PEBP4: variants seen among roughly 807,000 people sequenced by gnomAD.
PEBP4 encodes the protein phosphatidylethanolamine-binding protein 4.
Under a neutral mutation model 23.9 loss-of-function variants are expected in PEBP4, and 22 were observed. The ratio of observed to expected loss-of-function variants is 0.92; its 90% CI spans 0.66 to 1.31. PEBP4 has a LOEUF of 1.31. Ranked by LOEUF, PEBP4 falls within the 40% of genes most tolerant of loss-of-function variation. The pLI is 0.00. For synonymous variants in PEBP4, 112 were observed against 99.3 expected (o/e 1.13, Z -0.76); for missense variants, 324 against 281.7 (o/e 1.15, Z -1.07).
intron 4 of PEBP4, among the ~76,000 whole-genome samples, chr8:22,810,472 G>A (rs1806594937): frequency 6.6e-6 from 1 of 152,080 alleles, no homozygotes; most frequent in Admixed American, 6.6e-5. Context: ...CTCAGGGGTG[G>A]GTGTCTGAGG....
At chr8:22,940,761 T>A (rs1809602122) in intron 1 of PEBP4, among the ~76,000 whole-genome samples, 1 of 152,184 alleles carries the variant, frequency 6.6e-6, no homozygotes, top group Non-Finnish European at 1.5e-5. Flanking sequence ...AGTGCTGGGA[T>A]TATAGGCGTG....
chr8:22,863,010 C>T (rs961087722), intron 3 of PEBP4, among the ~76,000 whole-genome samples: 33 of 152,024 alleles, frequency 2.2e-4, no homozygotes, highest in African/African-American at 8.0e-4. Context: ...CCATGTTAGC[C>T]AGGATGGTCT....
chr8:22,717,208 A>G (rs1804434163), intron 6 of PEBP4, among the ~76,000 whole-genome samples: 1 of 152,180 alleles, frequency 6.6e-6, no homozygotes, highest in South Asian at 2.1e-4. Context: ...GTAATTAAAA[A>G]AAAATTATCT....
intron 4 of PEBP4, among the ~76,000 whole-genome samples, chr8:22,736,539 A>G (rs561801046): frequency 6.6e-6 from 1 of 152,290 alleles, no homozygotes; most frequent in Admixed American, 6.5e-5. Context: ...TGGGAATTCG[A>G]GGCTGTAGTG....
At chr8:22,910,810 C>T (rs1484359812) in intron 3 of PEBP4, among the ~76,000 whole-genome samples, 1 of 152,148 alleles carries the variant, frequency 6.6e-6, no homozygotes, top group Non-Finnish European at 1.5e-5. Context: ...TAGAGGGAGG[C>T]ATGAATAGGT....
intron 3 of PEBP4, among the ~76,000 whole-genome samples, chr8:22,909,099 C>T (rs2128778408): frequency 6.6e-6 from 1 of 152,274 alleles, no homozygotes; most frequent in Non-Finnish European, 1.5e-5. Context: ...TGCCTTCCTG[C>T]ATTGGTGGCC....
chr8:22,874,194 G>A (rs1808071082), intron 3 of PEBP4, among the ~76,000 whole-genome samples: 1 of 152,094 alleles, frequency 6.6e-6, no homozygotes, highest in African/African-American at 2.4e-5. Flanking sequence ...AGAAAATAAG[G>A]TTAGAATAGT....
At chr8:22,937,843 AG>A (rs1340991723) in intron 1 of PEBP4, among the ~76,000 whole-genome samples, 1 of 151,938 alleles carries the variant, frequency 6.6e-6, no homozygotes, top group African/African-American at 2.4e-5. Context: ...ATTTTCAGCA[AG>A]GGTGCTGAAA....
intron 4 of PEBP4, among the ~76,000 whole-genome samples, chr8:22,730,554 A>G (rs1185763502): frequency 6.6e-6 from 1 of 152,226 alleles, no homozygotes; most frequent in Non-Finnish European, 1.5e-5. Flanking sequence ...TATATGGATT[A>G]GAATGTCACT....
intron 4 of PEBP4, among the ~76,000 whole-genome samples, chr8:22,789,612 CT>C (rs1164766348): frequency 6.6e-6 from 1 of 152,210 alleles, no homozygotes; most frequent in Non-Finnish European, 1.5e-5. Context: ...CCTGGGCCCA[CT>C]GCAGAGCTCT....
intron 3 of PEBP4, among the ~76,000 whole-genome samples, chr8:22,862,887 G>C (rs551750776): frequency 3.1e-4 from 46 of 146,836 alleles, no homozygotes; most frequent in Admixed American, 1.2e-3. Flanking sequence ...TGCAAGCTCC[G>C]CCTCCCAGGT....
chr8:22,754,003 G>C (rs1219165290), intron 4 of PEBP4, among the ~76,000 whole-genome samples: 2 of 152,198 alleles, frequency 1.3e-5, no homozygotes, highest in African/African-American at 2.4e-5. Context: ...AGATGGGAAA[G>C]TCTGACTATA....
intron 3 of PEBP4, among the ~76,000 whole-genome samples, chr8:22,869,666 T>TATGTCTGGGACTTG (rs1563243544): frequency 2.0e-5 from 3 of 151,948 alleles, no homozygotes; most frequent in African/African-American, 7.3e-5. Context: ...TACTTGATAA[T>TATGTCTGGGACTTG]GGACTGGGAT....
At chr8:22,845,997 CAG>C (rs564992135) in intron 3 of PEBP4, among the ~76,000 whole-genome samples, 86 of 152,346 alleles carry the variant, frequency 5.6e-4, no homozygotes, top group African/African-American at 2.0e-3. Flanking sequence ...GCTTGGATGG[CAG>C]AGACTGGGAC....
At chr8:22,796,302 G>A (rs368768338) in intron 4 of PEBP4, among the ~76,000 whole-genome samples, 7 of 151,854 alleles carry the variant, frequency 4.6e-5, no homozygotes, top group East Asian at 3.9e-4. Flanking sequence ...GCCTGTGTAC[G>A]TGTAATTCAT....
chr8:22,841,260 G>GAAAGCA (rs1186059138), intron 3 of PEBP4, among the ~76,000 whole-genome samples: 1 of 152,230 alleles, frequency 6.6e-6, no homozygotes, highest in African/African-American at 2.4e-5. Flanking sequence ...TCTCTTCTGT[G>GAAAGCA]GCCCTTTGAG....
At chr8:22,859,887 G>A (rs574560713) in intron 3 of PEBP4, among the ~76,000 whole-genome samples, 1 of 151,932 alleles carries the variant, frequency 6.6e-6, no homozygotes, top group Non-Finnish European at 1.5e-5. Context: ...GGGAGGCTGA[G>A]GCAGGAGGAT....
intron 6 of PEBP4, among the ~76,000 whole-genome samples, chr8:22,723,191 C>T (rs183893031): frequency 3.3e-5 from 5 of 152,194 alleles, no homozygotes; most frequent in East Asian, 1.9e-4. Flanking sequence ...CCAAACAACG[C>T]GTTTCAGGCC....
chr8:22,903,209 A>C (rs1350290948), intron 3 of PEBP4, among the ~76,000 whole-genome samples: 1 of 152,194 alleles, frequency 6.6e-6, no homozygotes, highest in Non-Finnish European at 1.5e-5. Flanking sequence ...TTGTGAGTAA[A>C]GTTGGGAAAC....
Sources: allele counts gnomAD v4.1 joint callset (sites outside exome capture counted in the v4.1 genomes callset), GRCh38; gene constraint gnomAD v4.1.1; transcripts MANE v1.5; gene names NCBI Gene and HGNC (gene_info 2026-07-23, HGNC 2026-07-21).